LRMDA: variants seen among roughly 807,000 people sequenced by gnomAD.
LRMDA encodes leucine rich melanocyte differentiation associated, also known as leucine-rich melanocyte differentiation-associated protein.
In LRMDA, 18 loss-of-function variants were observed where a neutral mutation model predicts 29.8. That is an observed-to-expected ratio of 0.60 (90% CI 0.42 to 0.90). LRMDA has a LOEUF of 0.90. Ranked by LOEUF, LRMDA falls within the 40% of genes least tolerant of loss-of-function variation. LRMDA has a pLI of 0.00. For synonymous variants in LRMDA, 125 were observed against 109.4 expected (o/e 1.14, Z -0.89); for missense variants, 273 against 273.9 (o/e 1.00, Z 0.02).
chr10:75,628,645 G>C (rs1176551680), intron 2 of LRMDA, among the ~76,000 whole-genome samples: 2 of 152,182 alleles, frequency 1.3e-5, no homozygotes, highest in Admixed American at 1.3e-4. Context: ...GGTTCTGCTT[G>C]CTGAAAGCCC....
intron 5 of LRMDA, among the ~76,000 whole-genome samples, chr10:76,217,459 G>T (rs990708971): frequency 6.6e-6 from 1 of 152,006 alleles, no homozygotes; most frequent in African/African-American, 2.4e-5. Flanking sequence ...GAACCTGGCT[G>T]GGGGGGAATG....
At chr10:76,375,130 A>T (rs56312153) in intron 6 of LRMDA, among the ~76,000 whole-genome samples, 3,251 of 152,292 alleles carry the variant, frequency 0.021, 130 homozygotes, top group African/African-American at 0.072. Context: ...GATGCTAAAA[A>T]AAATGGGATT....
chr10:75,476,457 C>T (rs1844792406), intron 2 of LRMDA, among the ~76,000 whole-genome samples: 1 of 152,286 alleles, frequency 6.6e-6, no homozygotes, highest in Middle Eastern at 3.4e-3. Context: ...CAGCCATCCT[C>T]CTGACGCCCT....
intron 2 of LRMDA, among the ~76,000 whole-genome samples, chr10:76,018,713 G>A (rs921223665): frequency 1.0e-5 from 1 of 99,058 alleles, no homozygotes; most frequent in African/African-American, 3.2e-5. Context: ...GACTACAGGT[G>A]TGCGCCACCA....
At chr10:75,818,150 C>G (rs1844092642) in intron 2 of LRMDA, among the ~76,000 whole-genome samples, 1 of 152,006 alleles carries the variant, frequency 6.6e-6, no homozygotes, top group African/African-American at 2.4e-5. Context: ...TGTTTGTGCC[C>G]CATTGGCCAT....
At chr10:75,879,703 T>C (rs1845262424) in intron 2 of LRMDA, among the ~76,000 whole-genome samples, 1 of 152,110 alleles carries the variant, frequency 6.6e-6, no homozygotes, top group South Asian at 2.1e-4. Context: ...GCCATTGAGG[T>C]TGGGAATTTT....
At chr10:75,949,060 T>G (rs1345648066) in intron 2 of LRMDA, among the ~76,000 whole-genome samples, 1 of 151,926 alleles carries the variant, frequency 6.6e-6, no homozygotes, top group Non-Finnish European at 1.5e-5. Context: ...TTGAGGGAAA[T>G]GCACCAGACT....
intron 6 of LRMDA, among the ~76,000 whole-genome samples, chr10:76,368,845 T>C (rs184745024): frequency 4.3e-4 from 66 of 152,326 alleles, no homozygotes; most frequent in African/African-American, 1.5e-3. Flanking sequence ...GTCTTTACCA[T>C]TATATACTGT....
intron 6 of LRMDA, among the ~76,000 whole-genome samples, chr10:76,456,021 C>T (rs1842453378): frequency 6.6e-6 from 1 of 152,152 alleles, no homozygotes; most frequent in African/African-American, 2.4e-5. Flanking sequence ...TTCTCCTCTT[C>T]CTCCTTAGGG....
intron 2 of LRMDA, among the ~76,000 whole-genome samples, chr10:75,535,684 T>TA (rs1461410799): frequency 2.0e-5 from 3 of 151,624 alleles, no homozygotes; most frequent in African/African-American, 4.8e-5. Flanking sequence ...AATAAAACCT[T>TA]AAAAAAAAAT....
At chr10:76,264,249 A>C (rs1299429107) in intron 5 of LRMDA, among the ~76,000 whole-genome samples, 2 of 151,616 alleles carry the variant, frequency 1.3e-5, no homozygotes, top group African/African-American at 4.8e-5. Flanking sequence ...AAATGCAAAA[A>C]ATTAGTCAGG....
intron 1 of LRMDA, among the ~76,000 whole-genome samples, chr10:75,431,973 G>A (rs565134579): frequency 6.6e-6 from 1 of 152,178 alleles, no homozygotes. Flanking sequence ...AAGAACACCC[G>A]CAAGGTCTCC....
chr10:76,051,052 T>C (rs1848522803), intron 4 of LRMDA, among the ~76,000 whole-genome samples: 1 of 152,230 alleles, frequency 6.6e-6, no homozygotes, highest in Non-Finnish European at 1.5e-5. Flanking sequence ...CACCCTTTCT[T>C]TGTTCCCCTG....
intron 2 of LRMDA, among the ~76,000 whole-genome samples, chr10:76,021,672 G>A (rs749368689): frequency 5.3e-5 from 8 of 152,128 alleles, no homozygotes; most frequent in African/African-American, 7.2e-5. Flanking sequence ...AATCTTGAGC[G>A]GCAGTCTATA....
chr10:76,220,802 A>G (rs1420826493), intron 5 of LRMDA, among the ~76,000 whole-genome samples: 2 of 151,552 alleles, frequency 1.3e-5, no homozygotes, highest in African/African-American at 2.4e-5. Flanking sequence ...ACCAAAGCCG[A>G]GCAGAGACAC....
intron 6 of LRMDA, among the ~76,000 whole-genome samples, chr10:76,440,558 C>T (rs1198164718): frequency 6.6e-6 from 1 of 151,994 alleles, no homozygotes; most frequent in Non-Finnish European, 1.5e-5. Context: ...GATCTTCCCT[C>T]GTTTGTATAA....
chr10:75,590,426 T>G (rs1840708912), intron 2 of LRMDA, among the ~76,000 whole-genome samples: 2 of 88,800 alleles, frequency 2.3e-5, no homozygotes, highest in African/African-American at 5.4e-5. Context: ...CTTTTATGGT[T>G]TCCTTAAAAA....
At chr10:76,097,088 G>A (rs912047658) in intron 5 of LRMDA, among the ~76,000 whole-genome samples, 6 of 151,888 alleles carry the variant, frequency 4.0e-5, no homozygotes, top group African/African-American at 1.5e-4. Context: ...TTGGCTCACT[G>A]CAACCTCCGC....
intron 2 of LRMDA, among the ~76,000 whole-genome samples, chr10:75,613,417 G>A (rs904916087): frequency 3.3e-5 from 5 of 152,158 alleles, no homozygotes; most frequent in Admixed American, 6.5e-5. Context: ...GGGGAACATT[G>A]TTGTGTGGAC....
Sources: gnomAD v4.1 joint callset for allele counts (sites outside exome capture counted in the v4.1 genomes callset) on GRCh38, gnomAD v4.1.1 for gene constraint, MANE v1.5 for transcripts, NCBI Gene and HGNC (gene_info 2026-07-23, HGNC 2026-07-21) for gene names.